The following MPP7 variants were observed in gnomAD, a reference collection of about 807,000 sequenced individuals.
MPP7 encodes MAGUK p55 subfamily member 7.
MPP7 carries 60 observed loss-of-function variants against 76.5 expected under a neutral mutation model. The observed-to-expected ratio is 0.78, with a 90% CI of 0.64 to 0.97. The LOEUF is 0.97. Among genes scored for constraint, MPP7 ranks in the 50% least tolerant of loss-of-function variants. The pLI, the probability that MPP7 is intolerant of heterozygous loss-of-function variation, is 0.00. For missense variants in MPP7, 641 were observed against 694.0 expected (o/e 0.92, Z 0.86); for synonymous variants, 237 against 244.5 (o/e 0.97, Z 0.29).
At chr10:28,054,716 A>T (rs111958847) in intron 16 of MPP7, among the ~76,000 whole-genome samples, 5,694 of 152,242 alleles carry the variant, frequency 0.037, 150 homozygotes, top group South Asian at 0.079. Flanking sequence ...TCACTCTGTC[A>T]CCCAGGTTGG....
intron 2 of MPP7, among the ~76,000 whole-genome samples, chr10:28,216,173 T>C (rs1008220681): frequency 6.7e-6 from 1 of 149,144 alleles, no homozygotes; most frequent in African/African-American, 2.5e-5. Context: ...AATCCAGGAG[T>C]ATGGGACCAG....
At chr10:28,319,117 C>A (rs1332790689) in intron 2 of MPP7, among the ~76,000 whole-genome samples, 1 of 152,142 alleles carries the variant, frequency 6.6e-6, no homozygotes, top group Non-Finnish European at 1.5e-5. Context: ...AGAAAACTTA[C>A]AATCATGGCA....
rs147580954 is a variant in MPP7, at chr10:28,196,962, G to A, written c.156+5191C>T. On this transcript the variant is annotated intron_variant, in intron 3 of 16. Transcript: ENST00000683449. Reference sequence around the variant, plus strand: ...GAAGAAAGCCCATTTACCTTCTGTCGTTTACAAAGCTATTCAAGAACAGGT... The same window carrying A: ...GAAGAAAGCCCATTTACCTTCTGTCATTTACAAAGCTATTCAAGAACAGGT... Among the ~76,000 whole-genome samples the A allele has an allele frequency of 2.4e-4, 36 of 152,154 alleles. No homozygotes were observed. The East Asian group carries it at 2.5e-3, about 11-fold the overall frequency.
intron 2 of MPP7, among the ~76,000 whole-genome samples, chr10:28,216,215 A>G (rs1460678127): frequency 7.2e-5 from 11 of 152,018 alleles, no homozygotes; most frequent in Admixed American, 5.2e-4. Context: ...CCGTTTCTAA[A>G]AAAAAAAAGG....
intron 11 of MPP7, among the ~76,000 whole-genome samples, chr10:28,099,575 C>T (rs144025808): frequency 9.9e-5 from 15 of 152,180 alleles, no homozygotes; most frequent in Non-Finnish European, 1.6e-4. Flanking sequence ...GAGGCCGAGG[C>T]GGGTGGATCA....
rs541077296 is a variant in MPP7 at position 28,236,067 on chromosome 10, C to T, written c.37+2501G>A. Among the ~76,000 whole-genome samples the T allele has an allele frequency of 1.6e-4, 24 of 152,192 alleles. No homozygotes were observed. The South Asian group carries it at 4.1e-3, about 26-fold the overall frequency. On this transcript the variant is annotated intron_variant, in intron 2 of 16. Coordinates refer to ENST00000683449, the MANE Select transcript of MPP7 (RefSeq NM_001318170.2). ...AGATTTTATGTTTTTCCCAACAGAT[C>T]GGTAAAAATTACAAGGATTGACAAT...
At chr10:28,305,462 C>T (rs1047621173), upstream of MPP7, 1 of 151,988 alleles carries the variant, frequency 6.6e-6, no homozygotes, top group African/African-American at 2.4e-5. Context: ...TAGGAAGAAC[C>T]TACTGTTTAC....
At chr10:28,108,873 T>C (rs1191136531) in intron 11 of MPP7, among the ~76,000 whole-genome samples, 1 of 152,220 alleles carries the variant, frequency 6.6e-6, no homozygotes, top group Non-Finnish European at 1.5e-5. Flanking sequence ...ATCTCCAAAC[T>C]AGAATTTTTC....
intron 2 of MPP7, among the ~76,000 whole-genome samples, chr10:28,237,242 C>G (rs1186365097): frequency 6.6e-6 from 1 of 152,126 alleles, no homozygotes; most frequent in East Asian, 1.9e-4. Context: ...TTATGGTTCA[C>G]ATAAATTTTA....
At chr10:28,164,083 T>C (rs17562220) in intron 3 of MPP7, among the ~76,000 whole-genome samples, 113,496 of 151,874 alleles carry the variant, frequency 0.75, 42,549 homozygotes, top group Middle Eastern at 0.84. Context: ...AGGCAGATGA[T>C]GATATAGGCC....
chr10:28,124,862 G>T (rs550808672), intron 7 of MPP7, 148 bp downstream of exon 7: 107 of 647,518 alleles, frequency 1.7e-4, no homozygotes, highest in African/African-American at 1.3e-3. Flanking sequence ...ATTTAAATAG[G>T]CTCTCACATT....
intron 11 of MPP7, 36 bp from the exon 12 acceptor site, chr10:28,089,877 T>G: frequency 9.2e-7 from 1 of 1,089,888 alleles, no homozygotes; most frequent in South Asian, 1.6e-5. Flanking sequence ...TTTAGTAACA[T>G]CAACCAAAAA....
At chr10:28,119,071 A>G (rs1330272555) in intron 11 of MPP7, 2 of 983,610 alleles carry the variant, frequency 2.0e-6, no homozygotes, top group African/African-American at 1.8e-5. Flanking sequence ...GCTGAAAGAG[A>G]AAAAAAAGTA....
intron 11 of MPP7, chr10:28,118,149 T>TTA: frequency 2.4e-5 from 24 of 984,692 alleles, no homozygotes; most frequent in Non-Finnish European, 2.9e-5. Flanking sequence ...AAGGACTCCG[T>TTA]TACAATTAAT....
At chr10:28,248,144 T>C (rs1176771803) in intron 1 of MPP7, among the ~76,000 whole-genome samples, 2 of 152,162 alleles carry the variant, frequency 1.3e-5, no homozygotes, top group Non-Finnish European at 2.9e-5. Context: ...AAAGAGCATT[T>C]CACAGAGCTG....
chr10:28,291,369 G>A (rs540226790), intron 1 of MPP7, among the ~76,000 whole-genome samples: 1 of 152,302 alleles, frequency 6.6e-6, no homozygotes, highest in Admixed American at 6.5e-5. Flanking sequence ...ACTTTGGGAG[G>A]CTGAGGCGGG....
chr10:28,151,927 T>C (rs1275841723), intron 3 of MPP7, among the ~76,000 whole-genome samples: 4 of 152,296 alleles, frequency 2.6e-5, no homozygotes, highest in East Asian at 3.9e-4. Context: ...TGGAAAGATA[T>C]ATAACAAATC....
At chr10:28,238,346 T>C (rs1029117041) in intron 2 of MPP7, among the ~76,000 whole-genome samples, 2 of 152,170 alleles carry the variant, frequency 1.3e-5, no homozygotes, top group African/African-American at 4.8e-5. Flanking sequence ...AGTATGAGAA[T>C]ATCTGCACAT....
chr10:28,226,804 C>G lies in MPP7; in HGVS notation c.37+11764G>C, dbSNP rs186399156. Among the ~76,000 whole-genome samples the G allele has an allele frequency of 9.4e-4, 143 of 152,214 alleles. 2 individuals are homozygous for G. In the East Asian group the frequency reaches 0.019, roughly 20 times the overall value. On this transcript the variant is annotated intron_variant, in intron 2 of 16. Transcript: ENST00000683449. ...CAGCAAAAGCAGAACTCGCACTATT[C>G]CCATAAAGATTCTAAAATGAGCAAT...
Sources: allele counts gnomAD v4.1 joint callset (sites outside exome capture counted in the v4.1 genomes callset), GRCh38; gene constraint gnomAD v4.1.1; transcripts MANE v1.5; gene names NCBI Gene and HGNC (gene_info 2026-07-23, HGNC 2026-07-21).